The following IARS1 variants were observed in gnomAD, a reference collection of about 807,000 sequenced individuals.
The protein encoded by IARS1 is isoleucyl-tRNA synthetase 1, also known as isoleucine--tRNA ligase, cytoplasmic.
Under a neutral mutation model 168.2 loss-of-function variants are expected in IARS1, and 124 were observed. The ratio of observed to expected loss-of-function variants is 0.74; its 90% confidence interval spans 0.64 to 0.86. The LOEUF (loss-of-function observed/expected upper bound fraction) is 0.86. Ranked by LOEUF, IARS1 falls within the 40% of genes least tolerant of loss-of-function variation. The pLI is 0.00. For synonymous variants in IARS1, 532 were observed against 529.4 expected (o/e 1.00, Z -0.07); for missense variants, 1,452 against 1,515.8 (o/e 0.96, Z 0.70).
rs750608005 is a variant in IARS1, at chr9:92,250,720, G to C, written c.2422C>G (p.Arg808Gly). The change falls in exon 23 of 34, where the codon CGT (arginine) becomes GGT (glycine). Residue 808 changes from arginine (R) to glycine (G), a missense_variant. Physicochemically the swap from Arg to Gly is moderately radical, Grantham distance 125. Transcript: ENST00000443024. ...TTTCTATTTGAGTCCTACCGAACAC[G>C]GGGCAGCATGAGGTAGTGAATGCTG... Reference protein sequence around the residue: ...TLSIHYLMLPRVREELIDKKT... With the variant: ...TLSIHYLMLPGVREELIDKKT... The C allele has an allele frequency of 2.1e-5, 34 of 1,607,188 alleles. No homozygotes were observed. Among genetic ancestry groups the C allele is most frequent in the South Asian group, 2.0e-4 (18 of 89,850 alleles).
intron 6 of IARS1, among the ~76,000 whole-genome samples, chr9:92,285,042 T>G (rs1835220280): frequency 6.6e-6 from 1 of 152,186 alleles, no homozygotes; most frequent in Admixed American, 6.5e-5. Flanking sequence ...TTTACTAATG[T>G]AATTTTCAAA....
In IARS1 at chr9:92,258,914, T is replaced by G; in HGVS notation, c.1956A>C (p.Val652=). 1 of 1,613,994 alleles carries G rather than the reference T, an allele frequency of 6.2e-7. No homozygotes were observed. The highest frequency in any genetic ancestry group is 1.3e-5 in the African/African-American group (1 of 75,042). The change falls in exon 19 of 34, where the codon GTA becomes GTC. Residue 652 remains valine, a synonymous_variant. Coordinates refer to ENST00000443024, the MANE Select transcript of IARS1 (RefSeq NM_002161.6). ...GATAGGCATTGTACCATGGGAGCAG[T>G]ACATCCTTAAGGACGTCCCGCACAC... ...EEGVRDVLKD[V]LLPWYNAYRF...
intron 8 of IARS1, 131 bp from the exon 9 acceptor site, chr9:92,278,054 G>T: frequency 9.6e-7 from 1 of 1,037,572 alleles, no homozygotes; most frequent in Non-Finnish European, 1.5e-6. Flanking sequence ...ATGTGTGACT[G>T]CAAAGTACTT....
chr9:92,230,041 C>T (rs1244476616), intron 30 of IARS1, among the ~76,000 whole-genome samples: 3 of 152,134 alleles, frequency 2.0e-5, no homozygotes, highest in South Asian at 4.1e-4. Context: ...TCATTTAAAA[C>T]ATGTTATGTG....
intron 16 of IARS1, among the ~76,000 whole-genome samples, 184 bp from the exon 17 acceptor site, chr9:92,263,239 A>C (rs372228240): frequency 3.9e-4 from 59 of 152,378 alleles, no homozygotes; most frequent in African/African-American, 1.4e-3. Context: ...ATTTGAAAGA[A>C]GCATTGAAAT....
intron 31 of IARS1, 94 bp from the exon 32 acceptor site, chr9:92,223,583 T>C: frequency 1.0e-6 from 1 of 997,376 alleles, no homozygotes; most frequent in Admixed American, 2.3e-5. Flanking sequence ...TGTATCTTTT[T>C]ACGATAATGC....
At chr9:92,265,215 GA>G in intron 15 of IARS1, 92 bp from the exon 16 acceptor site, 1 of 1,104,722 alleles carries the variant, frequency 9.1e-7, no homozygotes, top group South Asian at 1.6e-5. Context: ...ACCCTGACAA[GA>G]TATTATACAC....
At chr9:92,275,398 A>G (rs1833641100) in intron 9 of IARS1, among the ~76,000 whole-genome samples, 1 of 152,228 alleles carries the variant, frequency 6.6e-6, no homozygotes, top group South Asian at 2.1e-4. Flanking sequence ...TCTGGTTGCA[A>G]ATACAATGTT....
At position 92,244,989 on chromosome 9, in the gene IARS1, A is replaced by G; in HGVS notation, c.2874T>C (p.Thr958=). Residue 958 remains threonine (T), a synonymous_variant, in exon 27 of 34, where the codon ACT becomes ACC. Coordinates refer to ENST00000443024, the MANE Select transcript of IARS1 (RefSeq NM_002161.6). ...MYTFDQATGG[T]AQFEAHSDAQ... is the part of the protein sequence containing the mutation. Reference sequence around the variant, plus strand: ...CATCTGAGTGTGCTTCAAATTGCGCAGTCCCACCTGTGGCCTGATCAAAGG... The same window carrying G: ...CATCTGAGTGTGCTTCAAATTGCGCGGTCCCACCTGTGGCCTGATCAAAGG... 1 of 1,614,156 alleles carries G rather than the reference A, an allele frequency of 6.2e-7. No homozygotes were observed.
intron 10 of IARS1, among the ~76,000 whole-genome samples, chr9:92,273,265 T>C (rs1833347590): frequency 1.3e-5 from 2 of 152,182 alleles, no homozygotes; most frequent in South Asian, 4.1e-4. Context: ...GACTAGTTCC[T>C]AAAACTCTTA....
In IARS1 at chr9:92,242,066, T is replaced by C. The variant is rs574616003; in HGVS notation, c.3177+88A>G. 4.6e-5 allele frequency: 46 copies of C among 991,168 alleles called. No individual in the cohort carries two copies. The South Asian group carries it at 6.3e-4, about 14-fold the overall frequency. 61.4% of individuals were successfully genotyped at this position (991,168 alleles called of 1,614,324 possible). A position where few individuals can be genotyped will look rare whatever the true frequency, so the allele number is the denominator to read the frequency against. ...GACAGAGTGCTGTGCCGATCTCTAC[T>C]GTGGGACAGAATATCAACACGTGAG... is the stretch of plus-strand genomic sequence containing the variant. On this transcript the variant is annotated intron_variant, in intron 29 of 33. Transcript: ENST00000443024.
At chr9:92,232,785 C>T (rs920969466) in intron 30 of IARS1, among the ~76,000 whole-genome samples, 1 of 152,134 alleles carries the variant, frequency 6.6e-6, no homozygotes, top group East Asian at 1.9e-4. Flanking sequence ...ACTGTCTCTA[C>T]AGAAAAGAAA....
chr9:92,247,251 C>G, intron 26 of IARS1, 126 bp downstream of exon 26: 1 of 738,298 alleles, frequency 1.4e-6, no homozygotes, highest in Non-Finnish European at 2.2e-6. Flanking sequence ...AAGGAAAGGA[C>G]AGGACACGAC....
chr9:92,212,278 G>C (rs557938228), intron 33 of IARS1, among the ~76,000 whole-genome samples: 74 of 152,286 alleles, frequency 4.9e-4, no homozygotes, highest in African/African-American at 1.7e-3. Flanking sequence ...AGACAATTCT[G>C]AGAGAAAAGG....
chr9:92,215,256 C>T (rs991213947), intron 33 of IARS1, among the ~76,000 whole-genome samples: 29 of 152,128 alleles, frequency 1.9e-4, no homozygotes, highest in Non-Finnish European at 3.4e-4. Flanking sequence ...GACATCCACA[C>T]CAAAAACCCA....
chr9:92,239,927 C>T (rs1257663239), intron 30 of IARS1, among the ~76,000 whole-genome samples: 1 of 152,136 alleles, frequency 6.6e-6, no homozygotes. Flanking sequence ...TGCTAGGCTG[C>T]CCATCTCTTG....
At position 92,244,996 on chromosome 9, in the gene IARS1, C is replaced by A; in HGVS notation, c.2867G>T (p.Gly956Val). ...GTGTGCTTCAAATTGCGCAGTCCCA[C>A]CTGTGGCCTGATCAAAGGTGTACAT... ...RLMYTFDQATGGTAQFEAHSD... is the reference protein window; with the variant it reads ...RLMYTFDQATVGTAQFEAHSD... Residue 956 changes from glycine to valine, a missense_variant, in exon 27 of 34, where the codon GGT becomes GTT. Gly to Val is a moderately radical substitution (Grantham distance 109, BLOSUM62 -3). Coordinates refer to ENST00000443024, the MANE Select transcript of IARS1 (RefSeq NM_002161.6). The A allele has an allele frequency of 6.2e-7, 1 of 1,614,164 alleles. No homozygotes were observed. The highest frequency in any genetic ancestry group is 1.1e-5 in the South Asian group (1 of 91,084).
intron 33 of IARS1, among the ~76,000 whole-genome samples, chr9:92,213,414 A>G (rs1838095262): frequency 6.6e-6 from 1 of 152,208 alleles, no homozygotes; most frequent in Non-Finnish European, 1.5e-5. Flanking sequence ...CCTTCCAAAG[A>G]TATGCCCAGG....
At chr9:92,213,895 T>C (rs983700150) in intron 33 of IARS1, among the ~76,000 whole-genome samples, 4 of 152,062 alleles carry the variant, frequency 2.6e-5, no homozygotes, top group African/African-American at 9.7e-5. Context: ...CACTGCAACC[T>C]CTGCCTCCCA....
Sources: allele counts gnomAD v4.1 joint callset (sites outside exome capture counted in the v4.1 genomes callset), GRCh38; gene constraint gnomAD v4.1.1; transcripts MANE v1.5; gene names NCBI Gene and HGNC (gene_info 2026-07-23, HGNC 2026-07-21).